NEDD9: variants seen among roughly 807,000 people sequenced by gnomAD.
NEDD9 encodes enhancer of filamentation 1.
Under a neutral mutation model 76.6 loss-of-function variants are expected in NEDD9, and 26 were observed. The observed-to-expected ratio is 0.34, with a 90% confidence interval of 0.25 to 0.47. The LOEUF (loss-of-function observed/expected upper bound fraction) is 0.47, where lower values mean the gene tolerates loss of function less well. Ranked by LOEUF, NEDD9 falls within the 20% of genes least tolerant of loss-of-function variation. The pLI is 1.00. For synonymous variants in NEDD9, 392 were observed against 414.2 expected, an observed-to-expected ratio of 0.95 and a Z score of 0.65; for missense variants, 937 against 1,058.5, an observed-to-expected ratio of 0.89 and a Z score of 1.59.
intron 3 of NEDD9, among the ~76,000 whole-genome samples, chr6:11,293,177 C>T (rs565188552): frequency 1.3e-5 from 2 of 150,336 alleles, no homozygotes; most frequent in Non-Finnish European, 3.0e-5. Context: ...AGCATTGTTG[C>T]TAGACAATCT....
At chr6:11,253,951 T>C (rs1209367763) in intron 3 of NEDD9, among the ~76,000 whole-genome samples, 1 of 152,190 alleles carries the variant, frequency 6.6e-6, no homozygotes, top group East Asian at 1.9e-4. Flanking sequence ...ATTAATATTA[T>C]GGCATCTTCA....
intron 3 of NEDD9, among the ~76,000 whole-genome samples, chr6:11,284,474 G>C (rs1760606082): frequency 6.6e-6 from 1 of 151,562 alleles, no homozygotes; most frequent in African/African-American, 2.4e-5. Context: ...GCTGAGGCAG[G>C]AGAATGGCGT....
chr6:11,285,250 A>C (rs1262439864), intron 3 of NEDD9, among the ~76,000 whole-genome samples: 1 of 152,180 alleles, frequency 6.6e-6, no homozygotes, highest in African/African-American at 2.4e-5. Context: ...GAAGTGATGT[A>C]CTTTGAATAC....
chr6:11,263,979 G>A (rs1228649788), intron 3 of NEDD9, among the ~76,000 whole-genome samples: 5 of 152,092 alleles, frequency 3.3e-5, no homozygotes, highest in Middle Eastern at 3.4e-3. Flanking sequence ...ATCTGAACAC[G>A]GGCATATTCC....
At chr6:11,207,082 A>T (rs1179822311) in intron 2 of NEDD9, among the ~76,000 whole-genome samples, 2 of 152,184 alleles carry the variant, frequency 1.3e-5, no homozygotes, top group African/African-American at 2.4e-5. Flanking sequence ...CTGCCCTAGG[A>T]GTATTTTTTG....
intron 1 of NEDD9, among the ~76,000 whole-genome samples, chr6:11,365,270 C>G (rs1762740640): frequency 6.6e-6 from 1 of 152,206 alleles, no homozygotes. Flanking sequence ...ATTCCATAGA[C>G]CTATTCTTGT....
intron 4 of NEDD9, 45 bp downstream of exon 4, chr6:11,192,298 GAC>G (rs763472046): frequency 1.4e-3 from 845 of 596,706 alleles, no homozygotes; most frequent in Non-Finnish European, 1.6e-3. Flanking sequence ...CCGACACACA[GAC>G]ACACACACAC....
At chr6:11,368,321 T>C (rs1762804445) in intron 1 of NEDD9, among the ~76,000 whole-genome samples, 2 of 152,266 alleles carry the variant, frequency 1.3e-5, no homozygotes, top group Admixed American at 1.3e-4. Flanking sequence ...ATTCCTGTGG[T>C]TCTTCATTAG....
In NEDD9 at chr6:11,280,236, G is replaced by C. The variant is rs540322343; in HGVS notation, c.12+25756C>G. Among the ~76,000 whole-genome samples, 4 of 152,324 alleles carry C rather than the reference G, an allele frequency of 2.6e-5. No individual in the cohort carries two copies. The South Asian group carries it at 8.3e-4, about 32-fold the overall frequency. ...ACATGCCAAGGGGAAGATGTATGGA[G>C]ACCTTAGCTTTCCAATTCCATCAGA... On this transcript the variant is annotated intron_variant, in intron 3 of 3. Transcript: ENST00000397378.
At chr6:11,332,100 T>G (rs11756263) in intron 2 of NEDD9, among the ~76,000 whole-genome samples, 4,588 of 152,344 alleles carry the variant, frequency 0.03, 144 homozygotes, top group East Asian at 0.058. Context: ...AAAAAAATGT[T>G]GGTAACAGTG....
intron 2 of NEDD9, among the ~76,000 whole-genome samples, chr6:11,207,800 A>C (rs1225483024): frequency 6.6e-6 from 1 of 152,234 alleles, no homozygotes; most frequent in Non-Finnish European, 1.5e-5. Flanking sequence ...GTTTTAAAGA[A>C]TGGATAGGAG....
At chr6:11,344,680 T>C (rs1762333040) in intron 1 of NEDD9, among the ~76,000 whole-genome samples, 1 of 152,208 alleles carries the variant, frequency 6.6e-6, no homozygotes, top group Non-Finnish European at 1.5e-5. Context: ...TGGTGCTGTG[T>C]CCAGGTTGTT....
At chr6:11,297,009 G>A (rs1021883319) in intron 3 of NEDD9, among the ~76,000 whole-genome samples, 24 of 152,278 alleles carry the variant, frequency 1.6e-4, no homozygotes, top group African/African-American at 5.1e-4. Context: ...TATTATAGGC[G>A]TGAGCCACCA....
chr6:11,209,252 A>G (rs1177266082), intron 2 of NEDD9, among the ~76,000 whole-genome samples: 2 of 152,242 alleles, frequency 1.3e-5, no homozygotes, highest in Non-Finnish European at 2.9e-5. Flanking sequence ...TCAGCTCCCA[A>G]ACATTCTTAT....
chr6:11,372,896 G>A (rs1762903123), intron 1 of NEDD9, among the ~76,000 whole-genome samples: 1 of 152,144 alleles, frequency 6.6e-6, no homozygotes, highest in Admixed American at 6.5e-5. Flanking sequence ...ATCTGGCATA[G>A]ATACTCCAAT....
intron 1 of NEDD9, among the ~76,000 whole-genome samples, chr6:11,361,240 G>A (rs1294566196): frequency 6.6e-6 from 1 of 152,170 alleles, no homozygotes; most frequent in Admixed American, 6.5e-5. Context: ...CCAAACTCTA[G>A]ATCATATCCT....
intron 1 of NEDD9, among the ~76,000 whole-genome samples, chr6:11,224,153 C>T (rs1200158408): frequency 6.6e-6 from 1 of 152,194 alleles, no homozygotes; most frequent in Non-Finnish European, 1.5e-5. Context: ...TATGGATCTG[C>T]CATGGCTGAA....
intron 1 of NEDD9, among the ~76,000 whole-genome samples, chr6:11,226,886 A>G (rs1424906087): frequency 1.3e-5 from 2 of 152,230 alleles, no homozygotes; most frequent in African/African-American, 2.4e-5. Context: ...TATTATTCTC[A>G]TTTGATAAAT....
chr6:11,190,501 C>T lies in NEDD9; in HGVS notation c.1368G>A (p.Glu456=). The T allele has an allele frequency of 6.2e-7, 1 of 1,614,204 alleles. No individual in the cohort carries two copies. The highest frequency in any genetic ancestry group is 8.5e-7 in the Non-Finnish European group (1 of 1,180,032). The change falls in exon 5 of 7, where the codon GAG becomes GAA. Residue 456 remains glutamate (E), a synonymous_variant. Transcript: ENST00000379446. This position sits in a 1 kb window ranked among gnomAD's most constrained non-coding sequence, Gnocchi z 5.8. ...AGTGGAGGTACTCCTTCAGGAACAG[C>T]TCCACCTTGTCCACTGCTGTGCGTA... ...NEIRTAVDKV[E]LFLKEYLHFV...
Sources: allele counts gnomAD v4.1 joint callset (sites outside exome capture counted in the v4.1 genomes callset), GRCh38; gene constraint gnomAD v4.1.1; non-coding constraint Gnocchi (gnomAD v3.1); transcripts MANE v1.5; gene names NCBI Gene and HGNC (gene_info 2026-07-23, HGNC 2026-07-21).